Variants in PLXDC2 observed in about 807,000 individuals in gnomAD.
PLXDC2 encodes the protein plexin domain-containing protein 2.
A neutral mutation model predicts 68.9 loss-of-function variants in PLXDC2; 40 were observed. The ratio of observed to expected loss-of-function variants is 0.58; its 90% CI spans 0.45 to 0.76. The LOEUF is 0.76. PLXDC2 is among the 30% of genes least tolerant of loss of function. The pLI is 0.00. For synonymous variants in PLXDC2, 243 were observed against 234.2 expected (o/e 1.04, Z -0.34); for missense variants, 644 against 661.9 (o/e 0.97, Z 0.30).
chr10:20,136,881 G>C (rs914285263), intron 4 of PLXDC2, among the ~76,000 whole-genome samples: 4 of 152,178 alleles, frequency 2.6e-5, no homozygotes, highest in Non-Finnish European at 5.9e-5. Context: ...AGCAATTATA[G>C]CTTCTTTGTG....
intron 1 of PLXDC2, among the ~76,000 whole-genome samples, chr10:19,954,731 A>G (rs1327964075): frequency 1.3e-5 from 2 of 152,212 alleles, no homozygotes; most frequent in African/African-American, 4.8e-5. Context: ...ACAAATAGGC[A>G]TGATGAAATT....
chr10:20,129,853 T>G (rs554244502), intron 4 of PLXDC2, among the ~76,000 whole-genome samples: 1 of 152,116 alleles, frequency 6.6e-6, no homozygotes, highest in Non-Finnish European at 1.5e-5. Flanking sequence ...CTGTCTATTC[T>G]GTTCCTTTGG....
intron 2 of PLXDC2, among the ~76,000 whole-genome samples, chr10:20,024,215 A>G (rs545827640): frequency 1.3e-5 from 2 of 152,350 alleles, no homozygotes; most frequent in African/African-American, 4.8e-5. Context: ...ACTCTAAGCC[A>G]TCACAAGTTT....
intron 1 of PLXDC2, among the ~76,000 whole-genome samples, chr10:19,932,694 A>C (rs959444035): frequency 4.6e-5 from 7 of 152,202 alleles, no homozygotes; most frequent in East Asian, 1.9e-4. Context: ...GATTATCCTC[A>C]TATCTCATAT....
rs201527455 is a variant in PLXDC2, at chr10:19,817,254, C to T, written c.112+63C>T. Reference sequence around the variant, plus strand: ...CAGCTGAAGACCTCTCTGGCACTCTCGTGCTCCCTACCCTCTCCCCCCAAC... The same window carrying T: ...CAGCTGAAGACCTCTCTGGCACTCTTGTGCTCCCTACCCTCTCCCCCCAAC... On this transcript the variant is annotated intron_variant, in intron 1 of 13. Transcript: ENST00000377252. 10 of 1,310,104 alleles carry T rather than the reference C, an allele frequency of 7.6e-6. No individual in the cohort carries two copies. The East Asian group carries it at 2.0e-4, about 26-fold the overall frequency. 81.2% of individuals were successfully genotyped at this position (1,310,104 alleles called of 1,614,324 possible).
At chr10:19,992,867 T>C (rs1834773510) in intron 1 of PLXDC2, among the ~76,000 whole-genome samples, 2 of 152,220 alleles carry the variant, frequency 1.3e-5, no homozygotes, top group Non-Finnish European at 2.9e-5. Flanking sequence ...CCACTTTGCT[T>C]AGATTATTTT....
At chr10:19,991,181 G>T (rs975362397) in intron 1 of PLXDC2, among the ~76,000 whole-genome samples, 1 of 151,676 alleles carries the variant, frequency 6.6e-6, no homozygotes, top group Non-Finnish European at 1.5e-5. Flanking sequence ...GGGAGGCAGA[G>T]GTTGCGGTGA....
rs189576224 is a variant in PLXDC2, at chr10:20,159,278, C to T, written c.784-5190C>T. ...TGGAGTTGTACAACCTATAACATTC[C>T]TGATGAAAACACCATTTCATTGCTC... On this transcript the variant is annotated intron_variant, in intron 6 of 13. Coordinates refer to ENST00000377252, the MANE Select transcript of PLXDC2 (RefSeq NM_032812.9). Among the ~76,000 whole-genome samples the T allele has an allele frequency of 3.3e-5, 5 of 152,290 alleles. No homozygotes were observed. The East Asian group carries it at 9.6e-4, about 29-fold the overall frequency.
At chr10:20,033,486 A>G (rs554425440) in intron 2 of PLXDC2, among the ~76,000 whole-genome samples, 1 of 152,194 alleles carries the variant, frequency 6.6e-6, no homozygotes, top group Non-Finnish European at 1.5e-5. Flanking sequence ...CTAAATAAAG[A>G]CATACCCAAA....
In PLXDC2 at chr10:19,896,703, A is replaced by T. The variant is rs552361494; in HGVS notation, c.112+79512A>T. Among the ~76,000 whole-genome samples, 31 of 152,256 alleles carry T rather than the reference A, an allele frequency of 2.0e-4. No individual in the cohort carries two copies. In the South Asian group the frequency reaches 6.2e-3, roughly 31 times the overall value. The stretch of plus-strand genomic sequence containing the variant: ...ACACTTATGATTGAGGAAGAGAGAT[A>T]ATTTTGGGCAGAAATTTACAAGTGC... On this transcript the variant is annotated intron_variant, in intron 1 of 13. Transcript: ENST00000377252.
chr10:19,853,548 C>A (rs1334591550), intron 1 of PLXDC2, among the ~76,000 whole-genome samples: 3 of 151,782 alleles, frequency 2.0e-5, no homozygotes, highest in Non-Finnish European at 4.4e-5. Context: ...GGGGCACCAC[C>A]CCCAGCCTCT....
chr10:20,015,718 A>G (rs1014794515), intron 2 of PLXDC2, among the ~76,000 whole-genome samples: 1 of 152,140 alleles, frequency 6.6e-6, no homozygotes, highest in African/African-American at 2.4e-5. Flanking sequence ...AAATTATGAA[A>G]AGATAGAGAG....
intron 9 of PLXDC2, among the ~76,000 whole-genome samples, chr10:20,190,544 T>C (rs1834750695): frequency 6.6e-6 from 1 of 151,638 alleles, no homozygotes; most frequent in African/African-American, 2.4e-5. Context: ...CATGTATACA[T>C]ATGTAACAAA....
intron 9 of PLXDC2, among the ~76,000 whole-genome samples, chr10:20,194,080 AT>A (rs1349218541): frequency 1.3e-5 from 2 of 152,014 alleles, no homozygotes; most frequent in African/African-American, 4.8e-5. Flanking sequence ...TATAACAAGA[AT>A]TTTAAAAGAA....
intron 12 of PLXDC2, among the ~76,000 whole-genome samples, chr10:20,243,774 T>C (rs1480446939): frequency 6.6e-6 from 1 of 152,200 alleles, no homozygotes; most frequent in Non-Finnish European, 1.5e-5. Context: ...ATGAAATTAT[T>C]GAGGCCGGGT....
Position 20,287,290 on chromosome 10 carries a change from A to C in PLXDC2, c.*7471A>C, listed in dbSNP as rs1836168463. 1 of 152,178 alleles carries C rather than the reference A, an allele frequency of 6.6e-6. No homozygotes were observed. The highest frequency in any genetic ancestry group is 1.9e-4 in the East Asian group (1 of 5,188). The allele number at this position is 152,178 out of a possible 1,614,324, so 9.4% of individuals were successfully genotyped here. Reference sequence around the variant, plus strand: ...ACTTGCCCTAGAGAATTAGTGAATGACCAAAAAGAGACTTTCCATTTATCT... The same window carrying C: ...ACTTGCCCTAGAGAATTAGTGAATGCCCAAAAAGAGACTTTCCATTTATCT... On this transcript the variant is annotated 3_prime_UTR_variant, in exon 14 of 14. Coordinates refer to ENST00000377252, the MANE Select transcript of PLXDC2 (RefSeq NM_032812.9).
At chr10:20,087,222 A>G (rs1371643104) in intron 4 of PLXDC2, among the ~76,000 whole-genome samples, 2 of 152,230 alleles carry the variant, frequency 1.3e-5, no homozygotes, top group African/African-American at 2.4e-5. Flanking sequence ...CCAGAATTGT[A>G]TCTGAGAACC....
chr10:20,016,038 C>A (rs190236003), intron 2 of PLXDC2, among the ~76,000 whole-genome samples: 2 of 152,292 alleles, frequency 1.3e-5, no homozygotes, highest in Admixed American at 6.5e-5. Context: ...AGTGAAAGGG[C>A]CTCTCTATTT....
chr10:20,027,069 A>G (rs1404260511), intron 2 of PLXDC2, among the ~76,000 whole-genome samples: 1 of 140,850 alleles, frequency 7.1e-6, no homozygotes, highest in Non-Finnish European at 1.5e-5. Flanking sequence ...ATACACTTTT[A>G]TAATATATTC....
Sources: gnomAD v4.1 joint callset for allele counts (sites outside exome capture counted in the v4.1 genomes callset) on GRCh38, gnomAD v4.1.1 for gene constraint, MANE v1.5 for transcripts, NCBI Gene and HGNC (gene_info 2026-07-23, HGNC 2026-07-21) for gene names.